The following SCAI variants were observed in gnomAD, a reference collection of about 807,000 sequenced individuals.
SCAI encodes protein SCAI.
SCAI carries 24 observed loss-of-function variants against 92.2 expected under a neutral mutation model. That is an observed-to-expected ratio of 0.26 (90% CI 0.19 to 0.37). The LOEUF (loss-of-function observed/expected upper bound fraction) is 0.37, where lower values mean the gene tolerates loss of function less well. SCAI is among the 10% of genes least tolerant of loss of function. The probability of loss-of-function intolerance (pLI) is 1.00; values close to 1 mark genes in which losing one functional copy is unlikely to be tolerated. For synonymous variants in SCAI, 261 were observed against 258.6 expected (o/e 1.01, Z -0.09); for missense variants, 450 against 736.2 (o/e 0.61, Z 4.50).
At chr9:125,019,063 CATTT>C in intron 8 of SCAI, 40 bp downstream of exon 8, 1 of 1,520,744 alleles carries the variant, frequency 6.6e-7, no homozygotes, top group Non-Finnish European at 9.0e-7. Context: ...ACTACACGGT[CATTT>C]ATTTATCAAT....
In SCAI at chr9:124,996,594, T is replaced by C. The variant is rs1292307794; in HGVS notation, c.1245-1579A>G. ...CTGAGATTACGGGAATGAGCCACCA[T>C]GCTCGGTCCAACAATACAGTATTTT... On this transcript the variant is annotated intron_variant, in intron 13 of 17. Transcript: ENST00000336505. 2.0e-5 allele frequency among the ~76,000 whole-genome samples: 3 copies of C among 151,534 alleles called. No homozygotes were observed. In the East Asian group the frequency reaches 5.9e-4, roughly 30 times the overall value.
chr9:125,082,905 T>C (rs886146508), intron 2 of SCAI, among the ~76,000 whole-genome samples: 3 of 152,246 alleles, frequency 2.0e-5, no homozygotes, highest in Non-Finnish European at 4.4e-5. Flanking sequence ...TTGTCTTGAA[T>C]GAAACTTTGG....
At chr9:125,028,507 A>G in intron 4 of SCAI, 29 bp from the exon 5 acceptor site, 1 of 1,274,784 alleles carries the variant, frequency 7.8e-7, no homozygotes, top group Non-Finnish European at 1.1e-6. Context: ...AAGAAAATAG[A>G]AATGAGTCTA....
intron 2 of SCAI, among the ~76,000 whole-genome samples, chr9:125,084,469 C>T (rs1834286937): frequency 6.6e-6 from 1 of 151,864 alleles, no homozygotes; most frequent in Non-Finnish European, 1.5e-5. Context: ...CGCGCCCGGC[C>T]GGCTGCTGCT....
intron 2 of SCAI, among the ~76,000 whole-genome samples, chr9:125,083,871 T>C (rs1166267819): frequency 6.6e-6 from 1 of 151,868 alleles, no homozygotes; most frequent in African/African-American, 2.4e-5. Context: ...TGGTAAGAAG[T>C]ACTATGAAAA....
intron 2 of SCAI, among the ~76,000 whole-genome samples, chr9:125,093,212 T>C (rs556520343): frequency 6.6e-5 from 10 of 151,898 alleles, no homozygotes; most frequent in Non-Finnish European, 8.8e-5. Context: ...AATACAAAAA[T>C]TAGCTGGGCA....
intron 13 of SCAI, among the ~76,000 whole-genome samples, chr9:124,997,875 CAAA>C (rs35502581): frequency 1.3e-4 from 14 of 111,126 alleles, no homozygotes; most frequent in Admixed American, 1.8e-4. Flanking sequence ...AACTCTGTCT[CAAA>C]AAAAAAAAAA....
At chr9:125,048,362 C>G (rs1185717168) in intron 3 of SCAI, among the ~76,000 whole-genome samples, 1 of 152,182 alleles carries the variant, frequency 6.6e-6, no homozygotes, top group Non-Finnish European at 1.5e-5. Context: ...AAGTCCAATT[C>G]TTCTGGTGGT....
chr9:125,121,977 C>T (rs1408940677), intron 2 of SCAI, among the ~76,000 whole-genome samples: 2 of 152,036 alleles, frequency 1.3e-5, no homozygotes, highest in Non-Finnish European at 2.9e-5. Flanking sequence ...TCACTGACAC[C>T]TCTACGAAAT....
Position 124,952,597 on chromosome 9 carries a change from C to A in SCAI, c.*210G>T. ...CCTCAAAATCAAAAAATAAAAATTC[C>A]AAGGTTAAGATTTTAAAAGACCTGA... On this transcript the variant is annotated 3_prime_UTR_variant, in exon 18 of 18. Coordinates refer to ENST00000336505, the MANE Select transcript of SCAI (RefSeq NM_001144877.3). 2.3e-6 allele frequency: 1 copy of A among 432,368 alleles called. No individual in the cohort carries two copies. Among genetic ancestry groups the A allele is most frequent in the Admixed American group, 4.1e-5 (1 of 24,486 alleles). The allele number at this position is 432,368 out of a possible 1,614,324, so 26.8% of individuals were successfully genotyped here.
rs1237705495 is a variant in SCAI at position 125,091,414 on chromosome 9, T to G, written c.99-35407A>C. 6.9e-6 allele frequency among the ~76,000 whole-genome samples: 1 copy of G among 145,428 alleles called. No homozygotes were observed. The highest frequency in any genetic ancestry group is 1.5e-5 in the Non-Finnish European group (1 of 68,014). ...TTTCCTGGAACAATGCCGTTTCTTT[T>G]TTGCTTTTTTAATGACCTGTCATTC... On this transcript the variant is annotated intron_variant, in intron 2 of 17. Coordinates refer to ENST00000336505, the MANE Select transcript of SCAI (RefSeq NM_001144877.3). This position sits in a 1 kb window ranked among gnomAD's most constrained non-coding sequence, Gnocchi z 4.3.
intron 2 of SCAI, among the ~76,000 whole-genome samples, chr9:125,111,305 T>C (rs776997913): frequency 1.2e-4 from 18 of 152,080 alleles, no homozygotes; most frequent in Non-Finnish European, 1.8e-4. Context: ...AGAAAAAGCA[T>C]TTGATAAAAT....
chr9:125,089,149 G>T (rs2131192786), intron 2 of SCAI, among the ~76,000 whole-genome samples: 1 of 152,242 alleles, frequency 6.6e-6, no homozygotes. Context: ...TTTCAGCATT[G>T]TATCTTTTCT....
intron 4 of SCAI, among the ~76,000 whole-genome samples, chr9:125,028,885 C>T (rs1015265967): frequency 1.3e-5 from 2 of 152,104 alleles, no homozygotes; most frequent in African/African-American, 4.8e-5. Flanking sequence ...GCAACCTCCG[C>T]CTCTCAGGTT....
intron 14 of SCAI, among the ~76,000 whole-genome samples, chr9:124,990,941 T>C (rs1832106185): frequency 6.6e-6 from 1 of 152,174 alleles, no homozygotes; most frequent in Admixed American, 6.5e-5. Flanking sequence ...GTGATCAGAA[T>C]CACAGGAGGT....
chr9:125,131,091 TAACA>T (rs1039584259), intron 2 of SCAI, among the ~76,000 whole-genome samples: 7 of 151,914 alleles, frequency 4.6e-5, no homozygotes, highest in Middle Eastern at 3.4e-3. Context: ...CACATCCAGC[TAACA>T]AACAGATATT....
chr9:124,971,633 T>C, intron 16 of SCAI, 38 bp downstream of exon 16: 1 of 1,515,760 alleles, frequency 6.6e-7, no homozygotes, highest in Non-Finnish European at 9.0e-7. Flanking sequence ...GCCATTATAG[T>C]ACATTCTGTT....
chr9:125,020,909 T>G (rs1026434669), intron 6 of SCAI, 140 bp from the exon 7 acceptor site: 1 of 468,804 alleles, frequency 2.1e-6, no homozygotes, highest in African/African-American at 2.0e-5. Context: ...GCATATAGTC[T>G]TTTTAAAATA....
chr9:124,994,621 T>C (rs997643617), intron 14 of SCAI, among the ~76,000 whole-genome samples: 8 of 152,270 alleles, frequency 5.3e-5, no homozygotes, highest in East Asian at 1.9e-4. Flanking sequence ...TCTACCTCTA[T>C]AAAAGAAAAT....
Sources: allele counts gnomAD v4.1 joint callset (sites outside exome capture counted in the v4.1 genomes callset), GRCh38; gene constraint gnomAD v4.1.1; non-coding constraint Gnocchi (gnomAD v3.1); transcripts MANE v1.5; gene names NCBI Gene and HGNC (gene_info 2026-07-23, HGNC 2026-07-21).